The following ST3GAL5 variants were observed in gnomAD, a reference collection of about 807,000 sequenced individuals.
The protein encoded by ST3GAL5 is lactosylceramide alpha-2,3-sialyltransferase.
Under a neutral mutation model 46.1 loss-of-function variants are expected in ST3GAL5, and 25 were observed. The observed-to-expected ratio is 0.54, with a 90% CI of 0.40 to 0.76. ST3GAL5 has a LOEUF of 0.76. ST3GAL5 is among the 30% of genes least tolerant of loss of function. The pLI, the probability that ST3GAL5 is intolerant of heterozygous loss-of-function variation, is 0.00. For missense variants in ST3GAL5, 431 were observed against 521.2 expected, an observed-to-expected ratio of 0.83 and a Z score of 1.69; for synonymous variants, 182 against 192.7, an observed-to-expected ratio of 0.94 and a Z score of 0.46.
chr2:85,841,550 G>C (rs1682102518), intron 6 of ST3GAL5, among the ~76,000 whole-genome samples: 1 of 152,114 alleles, frequency 6.6e-6, no homozygotes, highest in Non-Finnish European at 1.5e-5. Context: ...GCCCAGGCTG[G>C]TCTCGAACTC....
In ST3GAL5 at chr2:85,872,972, G is replaced by A. The variant is rs111525034; in HGVS notation, c.83-9487C>T. 5.3e-5 allele frequency among the ~76,000 whole-genome samples: 8 copies of A among 152,348 alleles called. 2 individuals are homozygous for A. The highest frequency in any genetic ancestry group is 1.9e-4 in the East Asian group (1 of 5,188). ...ATGCAACAGCTACAACTACAGCAGC[G>A]GCATGGGGCGGCCGAGAGGAGGCAA... On this transcript the variant is annotated intron_variant, in intron 1 of 6. Coordinates refer to ENST00000638572, the MANE Select transcript of ST3GAL5 (RefSeq NM_003896.4).
intron 5 of ST3GAL5, 101 bp from the exon 6 acceptor site, chr2:85,844,655 C>T: frequency 6.6e-7 from 1 of 1,503,776 alleles, no homozygotes; most frequent in Non-Finnish European, 9.2e-7. Context: ...CCCATGTGGC[C>T]CTGTGCACTG....
At chr2:85,882,945 A>AC (rs1687335838) in intron 1 of ST3GAL5, among the ~76,000 whole-genome samples, 1 of 151,990 alleles carries the variant, frequency 6.6e-6, no homozygotes, top group Non-Finnish European at 1.5e-5. Context: ...CAATGCCTGT[A>AC]CCCCTATTGT....
chr2:85,884,181 G>T (rs1288549298), intron 1 of ST3GAL5, among the ~76,000 whole-genome samples: 1 of 152,196 alleles, frequency 6.6e-6, no homozygotes, highest in Non-Finnish European at 1.5e-5. Context: ...GAGGGCTGTG[G>T]TGAACATTAC....
intron 1 of ST3GAL5, among the ~76,000 whole-genome samples, chr2:85,865,098 G>A (rs1188946556): frequency 6.6e-6 from 1 of 152,162 alleles, no homozygotes; most frequent in Non-Finnish European, 1.5e-5. Context: ...CTCTACTTCT[G>A]GACTGGTCTA....
intron 3 of ST3GAL5, chr2:85,860,869 T>G: frequency 3.2e-6 from 1 of 312,398 alleles, no homozygotes. Flanking sequence ...AAAGAAAGAA[T>G]TTCTTTGTTG....
At chr2:85,861,645 T>TAAG (rs1684741290) in intron 2 of ST3GAL5, among the ~76,000 whole-genome samples, 1 of 123,802 alleles carries the variant, frequency 8.1e-6, no homozygotes, top group African/African-American at 3.0e-5. Context: ...TGTCAGTCCT[T>TAAG]AAAAAAAAAA....
intron 3 of ST3GAL5, among the ~76,000 whole-genome samples, chr2:85,859,659 T>C (rs1056166411): frequency 6.6e-6 from 1 of 152,204 alleles, no homozygotes; most frequent in Admixed American, 6.5e-5. Flanking sequence ...AACTGAGCTC[T>C]TCATTTATTT....
rs932969294 is a variant in ST3GAL5, at chr2:85,847,915, A to G, written c.608T>C (p.Ile203Thr). The change falls in exon 4 of 7, where the codon ATA becomes ACA. Residue 203 changes from isoleucine to threonine, a missense_variant. By Grantham distance (89) the Ile-to-Thr change is moderately conservative (BLOSUM62 -1). Coordinates refer to ENST00000638572, the MANE Select transcript of ST3GAL5 (RefSeq NM_003896.4). ...GTGGCCCAGTTCTAATCCGTGCAGT[A>G]TTCCTCCGCTTCCAATAACCACACA... ...RRCVVIGSGG[I>T]LHGLELGHTL... The G allele has an allele frequency of 6.2e-7, 1 of 1,614,190 alleles. No individual in the cohort carries two copies. Among genetic ancestry groups the G allele is most frequent in the Admixed American group, 1.7e-5 (1 of 60,024 alleles).
chr2:85,841,124 C>T (rs1682027830), intron 6 of ST3GAL5, among the ~76,000 whole-genome samples: 1 of 151,666 alleles, frequency 6.6e-6, no homozygotes, highest in Non-Finnish European at 1.5e-5. Flanking sequence ...CTTCCACGGT[C>T]CTTCCCAGGG....
chr2:85,848,445 G>T, intron 3 of ST3GAL5: 1 of 1,482,398 alleles, frequency 6.7e-7, no homozygotes, highest in Non-Finnish European at 9.1e-7. Context: ...CACAGGCAAA[G>T]CAAGAAGGAC....
Position 85,863,636 on chromosome 2 carries a change from A to G in ST3GAL5, c.83-151T>C, listed in dbSNP as rs371169669. ...AGAATGAACTGTTGTTACATGCAACAAAGTGGGTGAATCTAGAGGGAACTA... is the reference window on the plus strand; with the variant it reads ...AGAATGAACTGTTGTTACATGCAACGAAGTGGGTGAATCTAGAGGGAACTA... On this transcript the variant is annotated intron_variant, in intron 1 of 6. Transcript: ENST00000638572. 2,817 of 842,002 alleles carry G rather than the reference A, an allele frequency of 3.3e-3. 81 individuals are homozygous for G. In the South Asian group the frequency reaches 0.039, roughly 12 times the overall value. The allele number at this position is 842,002 out of a possible 1,614,324, so 52.2% of individuals were successfully genotyped here.
At chr2:85,881,488 T>C (rs1433092746) in intron 1 of ST3GAL5, among the ~76,000 whole-genome samples, 2 of 152,178 alleles carry the variant, frequency 1.3e-5, no homozygotes, top group East Asian at 3.9e-4. Context: ...AAAATGCTGA[T>C]AGTAGCATGG....
At chr2:85,888,735 G>T (rs528674476) in intron 1 of ST3GAL5, 89 bp downstream of exon 1, 5 of 1,037,770 alleles carry the variant, frequency 4.8e-6, no homozygotes, top group Non-Finnish European at 6.0e-6. Context: ...GAAACGCCGC[G>T]CCCAGCCGGC....
At chr2:85,848,901 C>T (rs13028295) in intron 3 of ST3GAL5, 47,086 of 155,394 alleles carry the variant, frequency 0.3, 7,617 homozygotes, top group East Asian at 0.54. Flanking sequence ...AGCAGGATGA[C>T]AAACAGGCTT....
intron 2 of ST3GAL5, among the ~76,000 whole-genome samples, chr2:85,861,645 T>TTA (rs543938562): frequency 2.7e-4 from 34 of 123,778 alleles, no homozygotes; most frequent in African/African-American, 9.7e-4. Flanking sequence ...TGTCAGTCCT[T>TTA]AAAAAAAAAA....
At chr2:85,871,904 T>A (rs777180795) in intron 1 of ST3GAL5, among the ~76,000 whole-genome samples, 8 of 152,054 alleles carry the variant, frequency 5.3e-5, no homozygotes, top group Non-Finnish European at 8.8e-5. Context: ...ATAGCTGCAG[T>A]GGACTGTGTG....
At chr2:85,875,033 C>A (rs774435208) in intron 1 of ST3GAL5, among the ~76,000 whole-genome samples, 15 of 152,062 alleles carry the variant, frequency 9.9e-5, no homozygotes, top group Admixed American at 3.3e-4. Context: ...GTCTCCCCCC[C>A]ACCATGGAAG....
chr2:85,875,019 G>T (rs2104182869), intron 1 of ST3GAL5, among the ~76,000 whole-genome samples: 1 of 152,190 alleles, frequency 6.6e-6, no homozygotes, highest in Middle Eastern at 3.4e-3. Context: ...AATATAAAAT[G>T]ACTGTCTCCC....
Sources: gnomAD v4.1 joint callset for allele counts (sites outside exome capture counted in the v4.1 genomes callset) on GRCh38, gnomAD v4.1.1 for gene constraint, MANE v1.5 for transcripts, NCBI Gene and HGNC (gene_info 2026-07-23, HGNC 2026-07-21) for gene names.